The following PDE4B variants were observed in gnomAD, a reference collection of about 807,000 sequenced individuals.
The protein encoded by PDE4B is phosphodiesterase 4B.
A neutral mutation model predicts 82.2 loss-of-function variants in PDE4B; 20 were observed. The observed-to-expected ratio is 0.24, with a 90% CI of 0.17 to 0.35. The LOEUF (loss-of-function observed/expected upper bound fraction) is 0.35, where lower values mean the gene tolerates loss of function less well. Ranked by LOEUF, PDE4B falls within the 10% of genes least tolerant of loss-of-function variation. The pLI is 1.00. For synonymous variants in PDE4B, 320 were observed against 318.9 expected, an observed-to-expected ratio of 1.00 and a Z score of -0.04; for missense variants, 655 against 907.2, an observed-to-expected ratio of 0.72 and a Z score of 3.57.
At chr1:65,967,574 G>A (rs528694098) in intron 3 of PDE4B, among the ~76,000 whole-genome samples, 22 of 152,306 alleles carry the variant, frequency 1.4e-4, no homozygotes, top group African/African-American at 4.8e-4. Context: ...GCACACGTAT[G>A]TTTATTGCAG....
intron 3 of PDE4B, among the ~76,000 whole-genome samples, chr1:66,056,188 T>C (rs775854955): frequency 2.6e-5 from 4 of 152,224 alleles, no homozygotes; most frequent in Non-Finnish European, 5.9e-5. Flanking sequence ...GAAAAATAGA[T>C]GAAATGTTTC....
chr1:66,019,512 T>C (rs1652973586), intron 3 of PDE4B, among the ~76,000 whole-genome samples: 1 of 151,874 alleles, frequency 6.6e-6, no homozygotes, highest in Admixed American at 6.6e-5. Context: ...TGCATTGAAA[T>C]GCCTGGCTCA....
At chr1:66,007,217 G>A (rs1035775106) in intron 3 of PDE4B, among the ~76,000 whole-genome samples, 1 of 152,162 alleles carries the variant, frequency 6.6e-6, no homozygotes, top group African/African-American at 2.4e-5. Context: ...GGTTGAGGCA[G>A]GGGGATCATT....
intron 3 of PDE4B, among the ~76,000 whole-genome samples, chr1:66,005,850 C>G (rs2503181): frequency 3.1e-3 from 468 of 152,224 alleles, no homozygotes; most frequent in Middle Eastern, 0.01. Flanking sequence ...AGTTTTAATG[C>G]CAGCTGAATC....
chr1:66,005,982 C>G (rs1399329605), intron 3 of PDE4B, among the ~76,000 whole-genome samples: 2 of 152,146 alleles, frequency 1.3e-5, no homozygotes, highest in Non-Finnish European at 2.9e-5. Flanking sequence ...TATTCAATAC[C>G]AGTGTTCACG....
intron 3 of PDE4B, among the ~76,000 whole-genome samples, chr1:66,124,405 C>A (rs1381328905): frequency 6.6e-6 from 1 of 152,146 alleles, no homozygotes; most frequent in Non-Finnish European, 1.5e-5. Context: ...ATAAATTATT[C>A]AATTGGACAC....
intron 3 of PDE4B, among the ~76,000 whole-genome samples, chr1:65,958,200 A>AT (rs544068372): frequency 6.6e-5 from 10 of 151,568 alleles, no homozygotes; most frequent in African/African-American, 1.9e-4. Flanking sequence ...CTTGTGTTGG[A>AT]TTTTTTTTAA....
intron 3 of PDE4B, among the ~76,000 whole-genome samples, chr1:66,162,397 C>G (rs1646635519): frequency 7.9e-6 from 1 of 126,696 alleles, no homozygotes; most frequent in African/African-American, 2.9e-5. Context: ...GGGAAAGAGT[C>G]AATTCCATAC....
At chr1:66,194,909 A>C (rs1054483395) in intron 3 of PDE4B, among the ~76,000 whole-genome samples, 3 of 152,238 alleles carry the variant, frequency 2.0e-5, no homozygotes, top group Middle Eastern at 6.8e-3. Flanking sequence ...AAATGAGATT[A>C]TATATGTGAA....
intron 1 of PDE4B, among the ~76,000 whole-genome samples, chr1:65,883,339 T>C (rs1426144322): frequency 3.3e-5 from 5 of 152,162 alleles, no homozygotes; most frequent in Non-Finnish European, 7.4e-5. Context: ...CGCTGAGCAG[T>C]GGTTTATAGT....
intron 3 of PDE4B, among the ~76,000 whole-genome samples, chr1:66,021,813 A>G (rs1653137210): frequency 1.3e-5 from 2 of 152,150 alleles, no homozygotes; most frequent in African/African-American, 4.8e-5. Flanking sequence ...TTGGTTCCAT[A>G]TGAACTTTAA....
rs142479636 is a variant in PDE4B, at chr1:65,981,749, G to C, written c.281+62914G>C. Reference sequence around the variant, plus strand: ...TTAAATGTGATAATGTGATGATAATGTATATAAAATTAACTAGTACATAGC... The same window carrying C: ...TTAAATGTGATAATGTGATGATAATCTATATAAAATTAACTAGTACATAGC... On this transcript the variant is annotated intron_variant, in intron 3 of 16. Coordinates refer to ENST00000341517, the MANE Select transcript of PDE4B (RefSeq NM_002600.4). Among the ~76,000 whole-genome samples the C allele has an allele frequency of 4.6e-5, 7 of 152,222 alleles. No homozygotes were observed. In the East Asian group the frequency reaches 1.4e-3, roughly 29 times the overall value.
intron 3 of PDE4B, among the ~76,000 whole-genome samples, chr1:66,201,242 G>A (rs897228718): frequency 1.3e-5 from 2 of 152,154 alleles, no homozygotes; most frequent in African/African-American, 4.8e-5. Flanking sequence ...GCTGGATTCG[G>A]TTTGCCAGTA....
At chr1:66,289,381 G>C (rs570457711) in intron 7 of PDE4B, among the ~76,000 whole-genome samples, 48 of 152,244 alleles carry the variant, frequency 3.2e-4, no homozygotes, top group African/African-American at 1.1e-3. Flanking sequence ...GATATTAAAA[G>C]GGCACGGTAT....
chr1:66,078,710 T>C (rs1235499592), intron 3 of PDE4B, among the ~76,000 whole-genome samples: 1 of 152,208 alleles, frequency 6.6e-6, no homozygotes, highest in Non-Finnish European at 1.5e-5. Flanking sequence ...ATCACTATCA[T>C]AAATTGTACT....
intron 16 of PDE4B, among the ~76,000 whole-genome samples, chr1:66,371,094 CTATATATATATATATATA>C (rs557320202): frequency 0.023 from 1,704 of 74,848 alleles, 60 homozygotes; most frequent in African/African-American, 0.057. Flanking sequence ...ACACATCATA[CTATATATATATATATATA>C]TATATATATA....
chr1:66,124,788 T>C (rs1557579035), intron 3 of PDE4B, among the ~76,000 whole-genome samples: 1 of 152,298 alleles, frequency 6.6e-6, no homozygotes, highest in South Asian at 2.1e-4. Context: ...GGGTGCAATT[T>C]ACGTTCTCCT....
At chr1:66,135,681 A>G (rs1646042371) in intron 3 of PDE4B, among the ~76,000 whole-genome samples, 1 of 152,188 alleles carries the variant, frequency 6.6e-6, no homozygotes, top group Non-Finnish European at 1.5e-5. Context: ...GGAATTATGA[A>G]CATGAACCTC....
At chr1:66,201,904 G>T (rs1453140992) in intron 3 of PDE4B, among the ~76,000 whole-genome samples, 3 of 151,856 alleles carry the variant, frequency 2.0e-5, no homozygotes, top group African/African-American at 7.3e-5. Flanking sequence ...GAATGTGTTT[G>T]CTCTTGCTTT....
Sources: allele counts gnomAD v4.1 joint callset (sites outside exome capture counted in the v4.1 genomes callset), GRCh38; gene constraint gnomAD v4.1.1; transcripts MANE v1.5; gene names NCBI Gene and HGNC (gene_info 2026-07-23, HGNC 2026-07-21).